The following ZNF750 variants were observed in gnomAD, a reference collection of about 807,000 sequenced individuals.
ZNF750 encodes zinc finger protein 750.
In ZNF750, 10 loss-of-function variants were observed where a neutral mutation model predicts 31.6. The observed-to-expected ratio is 0.32, with a 90% CI of 0.19 to 0.54. The LOEUF (loss-of-function observed/expected upper bound fraction) is 0.54, where lower values mean the gene tolerates loss of function less well. Ranked by LOEUF, ZNF750 falls within the 20% of genes least tolerant of loss-of-function variation. ZNF750 has a pLI of 0.95. For synonymous variants in ZNF750, 400 were observed against 404.9 expected (o/e 0.99, Z 0.15); for missense variants, 914 against 934.9 (o/e 0.98, Z 0.29).
rs377565207 is a variant in ZNF750, at chr17:82,831,404, C to G, written c.1051G>C (p.Glu351Gln). 4 of 1,614,158 alleles carry G rather than the reference C, an allele frequency of 2.5e-6. No individual in the cohort carries two copies. Among genetic ancestry groups the G allele is most frequent in the South Asian group, 2.2e-5 (2 of 91,086 alleles). ...GCTGGATAGACCAGGGTGGCTTCTT[C>G]AAGCAGGTGAGAGCTCTGATCTCGG... is the stretch of plus-strand genomic sequence containing the variant. Reference protein sequence around the residue: ...LTRDQSSHLLEEATLVYPASS... With the variant: ...LTRDQSSHLLQEATLVYPASS... Residue 351 changes from glutamate (E) to glutamine (Q), a missense_variant, in exon 2 of 3, where the codon GAA becomes CAA. Physicochemically the swap from Glu to Gln is conservative, Grantham distance 29. Transcript: ENST00000269394. The surrounding 1 kb of genome is among the most constrained non-coding windows in gnomAD (Gnocchi z 4.6).
Position 82,830,827 on chromosome 17 carries a change from A to C in ZNF750, c.1487T>G (p.Leu496Arg). The C allele has an allele frequency of 6.2e-7, 1 of 1,613,232 alleles. No homozygotes were observed. Among genetic ancestry groups the C allele is most frequent in the South Asian group, 1.1e-5 (1 of 91,060 alleles). Residue 496 changes from leucine to arginine, a missense_variant, in exon 3 of 3, where the codon CTC (leucine) becomes CGC (arginine). Physicochemically the swap from Leu to Arg is moderately radical, Grantham distance 102. Transcript: ENST00000269394. Reference sequence around the variant, plus strand: ...ACTGGAAGGCGCGGCCTCCGAGACGAGAGAGGCGCTTCCGGTCGGAGCAGG... The same window carrying C: ...ACTGGAAGGCGCGGCCTCCGAGACGCGAGAGGCGCTTCCGGTCGGAGCAGG... ...DPPAPTGSASLVSEAAPSSPD... is the reference protein window; with the variant it reads ...DPPAPTGSASRVSEAAPSSPD...
At position 82,832,042 on chromosome 17, in the gene ZNF750, C is replaced by G. The variant is rs369588218; in HGVS notation, c.413G>C (p.Cys138Ser). The G allele has an allele frequency of 6.8e-6, 11 of 1,613,182 alleles. No homozygotes were observed. The highest frequency in any genetic ancestry group is 8.5e-6 in the Non-Finnish European group (10 of 1,179,244). The stretch of plus-strand genomic sequence containing the variant: ...GGCGGCTTCCGGAGCTGGGCTCTTG[C>G]AGGGTGATGCCCTGTGGAGGGCTGG... ...QKPALHRASP[C>S]KSPAPEAALG... The change falls in exon 2 of 3, where the codon TGC becomes TCC. Residue 138 changes from cysteine to serine, a missense_variant. Around this residue, in one of 2 missense-constraint regions of ZNF750, gnomAD observed 880 missense variants for 868.9 expected, o/e 1.01. Coordinates refer to ENST00000269394, the MANE Select transcript of ZNF750 (RefSeq NM_024702.3). The surrounding 1 kb of genome is among the most constrained non-coding windows in gnomAD (Gnocchi z 4.9).
rs2053399509 is a variant in ZNF750 at position 82,830,543 on chromosome 17, C to G, written c.1771G>C (p.Glu591Gln). 6.2e-7 allele frequency: 1 copy of G among 1,614,034 alleles called. No homozygotes were observed. Residue 591 changes from glutamate to glutamine, a missense_variant, in exon 3 of 3, where the codon GAG becomes CAG. Physicochemically the swap from Glu to Gln is conservative, Grantham distance 29 (BLOSUM62 2). Around this residue, in one of 2 missense-constraint regions of ZNF750, gnomAD observed 880 missense variants for 868.9 expected, o/e 1.01. Transcript: ENST00000269394. ...GTCTCAGGGTGGCTGGGCCCATCCT[C>G]AGAACCTTCTGTCCCAGTCTTCTGT... is the stretch of plus-strand genomic sequence containing the variant. ...VPQKTGTEGS[E>Q]DGPSHPETKP...
At position 82,831,908 on chromosome 17, in the gene ZNF750, C is replaced by A. The variant is rs2053550998; in HGVS notation, c.547G>T (p.Ala183Ser). Residue 183 changes from alanine to serine, a missense_variant, in exon 2 of 3, where the codon GCT (alanine) becomes TCT (serine). Physicochemically the swap from Ala to Ser is moderately conservative, Grantham distance 99. Coordinates refer to ENST00000269394, the MANE Select transcript of ZNF750 (RefSeq NM_024702.3). This position sits in a 1 kb window ranked among gnomAD's most constrained non-coding sequence, Gnocchi z 4.6. ...PDNAEAPETL[A>S]LHNPTAKAVS... ...GCCTTGGCAGTGGGGTTGTGTAAAGCCAGTGTCTCGGGCGCCTCGGCGTTG... is the reference window on the plus strand; with the variant it reads ...GCCTTGGCAGTGGGGTTGTGTAAAGACAGTGTCTCGGGCGCCTCGGCGTTG... 1 of 1,614,080 alleles carries A rather than the reference C, an allele frequency of 6.2e-7. No individual in the cohort carries two copies. Among genetic ancestry groups the A allele is most frequent in the African/African-American group, 1.3e-5 (1 of 74,930 alleles).
intron 1 of ZNF750, among the ~76,000 whole-genome samples, chr17:82,838,019 A>G (rs1168717158): frequency 6.6e-6 from 1 of 152,218 alleles, no homozygotes; most frequent in East Asian, 1.9e-4. Context: ...TAAATATTTT[A>G]AATGTTGTGT....
chr17:82,832,192 G>A lies in ZNF750; in HGVS notation c.263C>T (p.Ser88Phe). The change falls in exon 2 of 3, where the codon TCC becomes TTC. Residue 88 changes from serine to phenylalanine, a missense_variant. Physicochemically the swap from Ser to Phe is radical, Grantham distance 155. This residue lies in a region of ZNF750 where 880 missense variants were observed against 868.9 expected (regional missense o/e 1.01). Coordinates refer to ENST00000269394, the MANE Select transcript of ZNF750 (RefSeq NM_024702.3). This position sits in a 1 kb window ranked among gnomAD's most constrained non-coding sequence, Gnocchi z 4.9. ...AGAGAGTCCATTTGCGACAGACTTGGAAGAGGCTGGCTTCGCCGTGGCATC... is the reference window on the plus strand; with the variant it reads ...AGAGAGTCCATTTGCGACAGACTTGAAAGAGGCTGGCTTCGCCGTGGCATC... ...QPDATAKPAS[S>F]KSVANGLSAF... is the part of the protein sequence containing the mutation. 2 of 1,614,256 alleles carry A rather than the reference G, an allele frequency of 1.2e-6. No homozygotes were observed. The highest frequency in any genetic ancestry group is 2.2e-5 in the East Asian group (1 of 44,888).
In ZNF750 at chr17:82,833,322, C is replaced by T. The variant is rs865859461; in HGVS notation, c.-182-686G>A. On this transcript the variant is annotated intron_variant, in intron 1 of 2. Transcript: ENST00000269394. This position sits in a 1 kb window ranked among gnomAD's most constrained non-coding sequence, Gnocchi z 4.7. Reference sequence around the variant, plus strand: ...TGGATGCTGCTGCCTCCCCTGGGGCCGATCCCTAAGCACTCGTGGCAGTTT... The same window carrying T: ...TGGATGCTGCTGCCTCCCCTGGGGCTGATCCCTAAGCACTCGTGGCAGTTT... 2.0e-5 allele frequency among the ~76,000 whole-genome samples: 3 copies of T among 152,066 alleles called. No homozygotes were observed. Among genetic ancestry groups the T allele is most frequent in the Admixed American group, 6.5e-5 (1 of 15,270 alleles).
chr17:82,829,701 TC>T lies in ZNF750; in HGVS notation c.*440del, dbSNP rs1382761969. 5.7e-6 allele frequency: 1 copy of T among 175,986 alleles called. No individual in the cohort carries two copies. Among genetic ancestry groups the T allele is most frequent in the African/African-American group, 2.4e-5 (1 of 41,862 alleles). 10.9% of individuals were successfully genotyped at this position (175,986 alleles called of 1,614,324 possible). On this transcript the variant is annotated 3_prime_UTR_variant, in exon 3 of 3. Coordinates refer to ENST00000269394, the MANE Select transcript of ZNF750 (RefSeq NM_024702.3). ...TATTTAGTTATACAAATCACATTTTTCTTTTTTACATATGGCACTTTAATGT... is the reference window on the plus strand; with the variant it reads ...TATTTAGTTATACAAATCACATTTTTTTTTTTACATATGGCACTTTAATGT...
rs2053374781 is a variant in ZNF750 at position 82,830,378 on chromosome 17, GGC to G, written c.1934_1935del (p.Ser645ThrfsTer36). Reference protein sequence around the residue: ...AVALCQLAAYSPRNIRVGDGD... With the variant: ...AVALCQLAAYXPRNIRVGDGD... ...CCATCGCCCACCCGGATGTTCCTGG[GGC>G]TGTAGGCCGCCAGCTGGCACAGGGC... On this transcript the variant is annotated frameshift_variant, in exon 3 of 3. Coordinates refer to ENST00000269394, the MANE Select transcript of ZNF750 (RefSeq NM_024702.3). LOFTEE classifies it low-confidence loss of function (END_TRUNC). 6.2e-7 allele frequency: 1 copy of G among 1,612,732 alleles called. No homozygotes were observed. The highest frequency in any genetic ancestry group is 1.1e-5 in the South Asian group (1 of 91,090).
At position 82,830,248 on chromosome 17, in the gene ZNF750, C is replaced by G. The variant is rs373645501; in HGVS notation, c.2066G>C (p.Arg689Thr). ...TTTTCCAGCATCCCTTAGACTTGTC[C>G]TCTTTTGTCCTTTGGGTCTGAGGTC... is the stretch of plus-strand genomic sequence containing the variant. ...QCDLRPKGQK[R>T]TSLRDAGKSQ... Residue 689 changes from arginine (R) to threonine (T), a missense_variant, in exon 3 of 3, where the codon AGG becomes ACG. Coordinates refer to ENST00000269394, the MANE Select transcript of ZNF750 (RefSeq NM_024702.3). The G allele has an allele frequency of 2.5e-5, 41 of 1,614,140 alleles. No individual in the cohort carries two copies. Among genetic ancestry groups the G allele is most frequent in the Non-Finnish European group, 3.5e-5 (41 of 1,180,060 alleles).
chr17:82,838,630 T>C, intron 1 of ZNF750: 1 of 985,394 alleles, frequency 1.0e-6, no homozygotes, highest in Non-Finnish European at 1.2e-6. Context: ...TTTGTGAGTT[T>C]TACTCCAATT....
In ZNF750 at chr17:82,832,152, C is replaced by T; in HGVS notation, c.303G>A (p.Lys101=). ...CTTCCCTGGCAGAGCTGTGCTGAAG[C>T]TTCGAGTCGAAGGCAGAGAGTCCAT... The part of the protein sequence containing the change: ...VANGLSAFDS[K]LQHSSAREDI... Residue 101 remains lysine, a synonymous_variant, in exon 2 of 3, where the codon AAG becomes AAA. Transcript: ENST00000269394. This position sits in a 1 kb window ranked among gnomAD's most constrained non-coding sequence, Gnocchi z 4.9. 5.0e-6 allele frequency: 8 copies of T among 1,614,214 alleles called. No homozygotes were observed. The highest frequency in any genetic ancestry group is 6.8e-6 in the Non-Finnish European group (8 of 1,180,044).
Position 82,830,158 on chromosome 17 carries a change from C to G in ZNF750, c.2156G>C (p.Arg719Thr). The G allele has an allele frequency of 6.2e-7, 1 of 1,614,038 alleles. No homozygotes were observed. Among genetic ancestry groups the G allele is most frequent in the Non-Finnish European group, 8.5e-7 (1 of 1,180,052 alleles). Residue 719 changes from arginine (R) to threonine (T), a missense_variant, in exon 3 of 3, where the codon AGG becomes ACG. Arg to Thr is a moderately conservative substitution (Grantham distance 71). Around this residue, in one of 2 missense-constraint regions of ZNF750, gnomAD observed 880 missense variants for 868.9 expected, o/e 1.01. Coordinates refer to ENST00000269394, the MANE Select transcript of ZNF750 (RefSeq NM_024702.3). ...DTARVFTLRR[R>T]ARVS ...AACCCGGCGTTAGGACACCCGGGCC[C>G]TCCTTCGTAGTGTGAACACTCTGGC...
Position 82,830,661 on chromosome 17 carries a change from G to A in ZNF750, c.1653C>T (p.Leu551=). 1.2e-6 allele frequency: 2 copies of A among 1,614,158 alleles called. No homozygotes were observed. Among genetic ancestry groups the A allele is most frequent in the Non-Finnish European group, 1.7e-6 (2 of 1,180,030 alleles). The change falls in exon 3 of 3, where the codon CTC becomes CTT. Residue 551 remains leucine, a synonymous_variant. Coordinates refer to ENST00000269394, the MANE Select transcript of ZNF750 (RefSeq NM_024702.3). ...TACAGGGGTCCTTCACCGAGAGATT[G>A]AGTGGAAGGTCCTGCAGCTCTGAGA... ...ASFSELQDLP[L]NLSVKDPCNT... is the part of the protein sequence containing the mutation.
Position 82,830,141 on chromosome 17 carries a change from G to A in ZNF750, c.*1C>T, listed in dbSNP as rs970741423. The stretch of plus-strand genomic sequence containing the variant: ...CTGTGAACACACGTGTGAACCCGGC[G>A]TTAGGACACCCGGGCCCTCCTTCGT... On this transcript the variant is annotated 3_prime_UTR_variant, in exon 3 of 3. Transcript: ENST00000269394. 3.7e-6 allele frequency: 6 copies of A among 1,613,586 alleles called. No individual in the cohort carries two copies. The East Asian group carries it at 1.1e-4, about 30-fold the overall frequency.
chr17:82,834,601 A>T (rs1394510683), intron 1 of ZNF750, among the ~76,000 whole-genome samples: 1 of 152,118 alleles, frequency 6.6e-6, no homozygotes, highest in Non-Finnish European at 1.5e-5. Flanking sequence ...CAGCATCCTC[A>T]GCAAACTAAC....
Position 82,833,003 on chromosome 17 carries a change from G to T in ZNF750, c.-182-367C>A, listed in dbSNP as rs1232881314. On this transcript the variant is annotated intron_variant, in intron 1 of 2. Transcript: ENST00000269394. The surrounding 1 kb of genome is among the most constrained non-coding windows in gnomAD (Gnocchi z 4.7). ...CTTTCCTCGAAAGCGCCCTGCCGGG[G>T]GCTGAGGACACCGAGCCCCCTCCCA... 6.6e-6 allele frequency among the ~76,000 whole-genome samples: 1 copy of T among 152,132 alleles called. No individual in the cohort carries two copies. Among genetic ancestry groups the T allele is most frequent in the Non-Finnish European group, 1.5e-5 (1 of 68,016 alleles).
In ZNF750 at chr17:82,832,817, T is replaced by G. The variant is rs1275888938; in HGVS notation, c.-182-181A>C. On this transcript the variant is annotated intron_variant, in intron 1 of 2. Coordinates refer to ENST00000269394, the MANE Select transcript of ZNF750 (RefSeq NM_024702.3). The surrounding 1 kb of genome is among the most constrained non-coding windows in gnomAD (Gnocchi z 4.9). Reference sequence around the variant, plus strand: ...CAGCCCTGCCCTACCCTTGGTAACCTGGCTGCTGACTCCCCACCGTGTTTT... The same window carrying G: ...CAGCCCTGCCCTACCCTTGGTAACCGGGCTGCTGACTCCCCACCGTGTTTT... Among the ~76,000 whole-genome samples, 1 of 152,208 alleles carries G rather than the reference T, an allele frequency of 6.6e-6. No homozygotes were observed. The highest frequency in any genetic ancestry group is 1.5e-5 in the Non-Finnish European group (1 of 68,040).
chr17:82,834,743 G>A (rs1257506697), intron 1 of ZNF750, among the ~76,000 whole-genome samples: 1 of 152,086 alleles, frequency 6.6e-6, no homozygotes, highest in African/African-American at 2.4e-5. Context: ...GGGAGGGAGA[G>A]CATTAAGACA....
Sources: allele counts gnomAD v4.1 joint callset (sites outside exome capture counted in the v4.1 genomes callset), GRCh38; gene constraint gnomAD v4.1.1; regional missense constraint gnomAD v4.1.1; non-coding constraint Gnocchi (gnomAD v3.1); transcripts MANE v1.5; gene names NCBI Gene and HGNC (gene_info 2026-07-23, HGNC 2026-07-21).